SMIM41: variants seen among roughly 807,000 people sequenced by gnomAD.
SMIM41 encodes the protein small integral membrane protein 41.
chr12:52,107,724 A>G lies in SMIM41; in HGVS notation c.*541A>G, dbSNP rs1940369746. On this transcript the variant is annotated 3_prime_UTR_variant, in exon 3 of 3. Coordinates refer to ENST00000546390, the MANE Select transcript of SMIM41 (RefSeq NM_001369216.1). The stretch of plus-strand genomic sequence containing the variant: ...GGTTTGTAGCCATCTGTCACCCTCT[A>G]TATCATTCAGCCATCATGAACCTGT... 1 of 455,390 alleles carries G rather than the reference A, an allele frequency of 2.2e-6. No individual in the cohort carries two copies. The highest frequency in any genetic ancestry group is 1.7e-5 in the South Asian group (1 of 58,066). 28.2% of individuals were successfully genotyped at this position (455,390 alleles called of 1,614,324 possible).
At position 52,107,622 on chromosome 12, in the gene SMIM41, C is replaced by A; in HGVS notation, c.*439C>A. On this transcript the variant is annotated 3_prime_UTR_variant, in exon 3 of 3. Transcript: ENST00000546390. ...CAGAGTCATCTCCTATGCAGGCTGC[C>A]TGACTCAGAAGTCTCTCTTTGCCAT... 1.7e-6 allele frequency: 1 copy of A among 605,096 alleles called. No individual in the cohort carries two copies. The highest frequency in any genetic ancestry group is 3.0e-4 in the Middle Eastern group (1 of 3,328). 37.5% of individuals were successfully genotyped at this position (605,096 alleles called of 1,614,324 possible).
intron 2 of SMIM41, among the ~76,000 whole-genome samples, chr12:52,088,666 G>C (rs1592323371): frequency 6.6e-6 from 1 of 152,152 alleles, no homozygotes; most frequent in African/African-American, 2.4e-5. Flanking sequence ...CTTGCACCTG[G>C]TCCCTGTGTC....
At chr12:52,100,472 T>C (rs1341625284) in intron 2 of SMIM41, among the ~76,000 whole-genome samples, 2 of 151,994 alleles carry the variant, frequency 1.3e-5, no homozygotes, top group African/African-American at 4.8e-5. Flanking sequence ...TTTTTTTTTT[T>C]TGAGGCAGAG....
At chr12:52,094,483 C>T (rs1281209796) in intron 2 of SMIM41, among the ~76,000 whole-genome samples, 1 of 152,094 alleles carries the variant, frequency 6.6e-6, no homozygotes, top group East Asian at 1.9e-4. Context: ...GATTACAGGC[C>T]TGAGCCACTG....
intron 2 of SMIM41, among the ~76,000 whole-genome samples, chr12:52,088,291 C>T (rs1005719655): frequency 2.0e-5 from 3 of 152,200 alleles, no homozygotes; most frequent in Non-Finnish European, 2.9e-5. Context: ...CAGGGAAAGC[C>T]TCTCCAAGGA....
intron 2 of SMIM41, among the ~76,000 whole-genome samples, chr12:52,087,311 G>A (rs1939907712): frequency 6.6e-6 from 1 of 152,184 alleles, no homozygotes; most frequent in Non-Finnish European, 1.5e-5. Context: ...TTAAAATAGC[G>A]CTCTTTGCAC....
chr12:52,087,174 G>A (rs1463179589), intron 2 of SMIM41, among the ~76,000 whole-genome samples: 1 of 152,182 alleles, frequency 6.6e-6, no homozygotes, highest in African/African-American at 2.4e-5. Flanking sequence ...GGCCAGAGGA[G>A]GGCCGGGCCT....
intron 2 of SMIM41, among the ~76,000 whole-genome samples, chr12:52,100,044 G>T (rs1940185375): frequency 6.6e-6 from 1 of 151,958 alleles, no homozygotes; most frequent in Admixed American, 6.6e-5. Flanking sequence ...TAACAGAGGG[G>T]GTGTACACAC....
At chr12:52,092,664 G>A (rs1363440470) in intron 2 of SMIM41, 1 of 152,076 alleles carries the variant, frequency 6.6e-6, no homozygotes, top group East Asian at 1.9e-4. Context: ...CATGCTTTGG[G>A]AAACATTCTA....
chr12:52,102,030 T>C (rs1463505974), intron 2 of SMIM41, among the ~76,000 whole-genome samples: 2 of 152,220 alleles, frequency 1.3e-5, no homozygotes, highest in African/African-American at 4.8e-5. Flanking sequence ...TATCTTTATC[T>C]GTTGTCTCTT....
chr12:52,087,539 C>T (rs1327179320), intron 2 of SMIM41: 1 of 152,590 alleles, frequency 6.6e-6, no homozygotes, highest in Non-Finnish European at 1.5e-5. Flanking sequence ...CTGGCCACAT[C>T]TGCTGTGGCT....
chr12:52,106,612 G>T (rs1312026477), intron 2 of SMIM41, among the ~76,000 whole-genome samples: 1 of 152,200 alleles, frequency 6.6e-6, no homozygotes, highest in Non-Finnish European at 1.5e-5. Context: ...AAAGTGCTGG[G>T]ATTACAGGCG....
intron 2 of SMIM41, among the ~76,000 whole-genome samples, chr12:52,105,368 A>T (rs1291373946): frequency 2.0e-5 from 3 of 152,132 alleles, no homozygotes; most frequent in Non-Finnish European, 4.4e-5. Flanking sequence ...ATAAATTCGG[A>T]ATTTGGCTTC....
chr12:52,102,681 C>T (rs1940241123), intron 2 of SMIM41, among the ~76,000 whole-genome samples: 1 of 152,018 alleles, frequency 6.6e-6, no homozygotes, highest in Admixed American at 6.6e-5. Context: ...TAATGTGATA[C>T]CACACATTAG....
chr12:52,087,224 C>G (rs761605154), intron 2 of SMIM41, among the ~76,000 whole-genome samples: 5 of 152,228 alleles, frequency 3.3e-5, no homozygotes, highest in African/African-American at 1.2e-4. Context: ...TGAGCCACCC[C>G]GCTTCCTCCT....
At chr12:52,093,206 A>G in intron 2 of SMIM41, among the ~76,000 whole-genome samples, 1 of 151,936 alleles carries the variant, frequency 6.6e-6, no homozygotes, top group East Asian at 1.9e-4. Flanking sequence ...CAACAACAAC[A>G]ACAACAAACA....
At chr12:52,084,911 C>T (rs1171083849) in intron 2 of SMIM41, 2 of 152,138 alleles carry the variant, frequency 1.3e-5, no homozygotes, top group Non-Finnish European at 2.9e-5. Context: ...AAATGATAGT[C>T]GCCTGGACCA....
intron 2 of SMIM41, among the ~76,000 whole-genome samples, chr12:52,102,560 A>G (rs1284519473): frequency 6.6e-6 from 1 of 152,252 alleles, no homozygotes; most frequent in African/African-American, 2.4e-5. Flanking sequence ...CCCATTAACA[A>G]TGGTCAGAAG....
intron 1 of SMIM41, among the ~76,000 whole-genome samples, chr12:52,082,902 C>T (rs1412455911): frequency 6.6e-6 from 1 of 152,194 alleles, no homozygotes; most frequent in African/African-American, 2.4e-5. Flanking sequence ...GCCTGCTCTC[C>T]TGCTGCCACT....
Sources: allele counts gnomAD v4.1 joint callset (sites outside exome capture counted in the v4.1 genomes callset), GRCh38; gene constraint gnomAD v4.1.1; transcripts MANE v1.5; gene names NCBI Gene and HGNC (gene_info 2026-07-23, HGNC 2026-07-21).